The following IGDCC4 variants were observed in gnomAD, a reference collection of about 807,000 sequenced individuals.
IGDCC4 encodes immunoglobulin superfamily DCC subclass member 4.
In IGDCC4, 72 loss-of-function variants were observed where a neutral mutation model predicts 116.6. That is an observed-to-expected ratio of 0.62 (90% CI 0.51 to 0.75). The LOEUF (loss-of-function observed/expected upper bound fraction) is 0.75, where lower values mean the gene tolerates loss of function less well. IGDCC4 is among the 30% of genes least tolerant of loss of function. The pLI, the probability that IGDCC4 is intolerant of heterozygous loss-of-function variation, is 0.00. For missense variants in IGDCC4, 1,501 were observed against 1,662.4 expected (o/e 0.90, Z 1.69); for synonymous variants, 709 against 719.9 (o/e 0.98, Z 0.24).
rs182571394 is a variant in IGDCC4, at chr15:65,401,108, A to G, written c.701-162T>C. On this transcript the variant is annotated intron_variant, in intron 4 of 19. Transcript: ENST00000352385. ...AGCCATAAAATTCAGCAGGGCTGGG[A>G]CTGGACCTCTGAGCTGTTTCTTTTA... 2.6e-3 allele frequency among the ~76,000 whole-genome samples: 397 copies of G among 152,270 alleles called. 6 individuals carry two copies. Among genetic ancestry groups the G allele is most frequent in the African/African-American group, 9.1e-3 (377 of 41,556 alleles).
chr15:65,392,258 C>A lies in IGDCC4; in HGVS notation c.1998G>T (p.Arg666=). ...TGGCCTCCTCCTCAGCCCCCACCTC[C>A]CGCCAATATAGTTTGTAGCCAGAGA... ...TQISGYKLYW[R]EVGAEEEANG... is the part of the protein sequence containing the mutation. The change falls in exon 11 of 20, where the codon CGG becomes CGT. Residue 666 remains arginine (R), a synonymous_variant. Transcript: ENST00000352385. The A allele has an allele frequency of 6.2e-7, 1 of 1,610,946 alleles. No homozygotes were observed.
chr15:65,419,895 T>C (rs915016796), intron 1 of IGDCC4, among the ~76,000 whole-genome samples: 4 of 152,174 alleles, frequency 2.6e-5, no homozygotes, highest in Admixed American at 6.5e-5. Flanking sequence ...GGCACAGGCA[T>C]TATCCTAACC....
chr15:65,402,640 G>A (rs1287219309), intron 3 of IGDCC4, among the ~76,000 whole-genome samples, 153 bp from the exon 4 acceptor site: 1 of 152,184 alleles, frequency 6.6e-6, no homozygotes, highest in Non-Finnish European at 1.5e-5. Context: ...AGGCGAGGCG[G>A]GCGAATCACA....
chr15:65,394,632 C>G, intron 8 of IGDCC4, 84 bp from the exon 9 acceptor site: 1 of 1,367,414 alleles, frequency 7.3e-7, no homozygotes, highest in Non-Finnish European at 9.9e-7. Flanking sequence ...TTGCCTGGGT[C>G]ACACAGCAAG....
intron 13 of IGDCC4, among the ~76,000 whole-genome samples, chr15:65,389,749 T>G (rs934713850): frequency 2.0e-5 from 3 of 152,216 alleles, no homozygotes; most frequent in Non-Finnish European, 4.4e-5. Flanking sequence ...TTGCTTTTTA[T>G]GCGACTTTCC....
rs765974328 is a variant in IGDCC4, at chr15:65,392,227, C to T, written c.2029G>A (p.Asp677Asn). 2.8e-5 allele frequency: 45 copies of T among 1,613,788 alleles called. No individual in the cohort carries two copies. In the South Asian group the frequency reaches 4.5e-4, roughly 16 times the overall value. Residue 677 changes from aspartate to asparagine, a missense_variant, in exon 11 of 20, where the codon GAT becomes AAT. Physicochemically the swap from Asp to Asn is conservative, Grantham distance 23. Transcript: ENST00000352385. ...EVGAEEEANG[D>N]RLPGGRGDQA... ...TCTCCACGGCCCCCTGGCAGGCGAT[C>T]GCCATTGGCCTCCTCCTCAGCCCCC...
At chr15:65,417,448 C>T (rs2063154881) in intron 1 of IGDCC4, among the ~76,000 whole-genome samples, 1 of 152,198 alleles carries the variant, frequency 6.6e-6, no homozygotes, top group Non-Finnish European at 1.5e-5. Context: ...AAACCATGGC[C>T]AATTCTCTGA....
At position 65,382,499 on chromosome 15, in the gene IGDCC4, A is replaced by G. The variant is rs2091410955; in HGVS notation, c.*1510T>C. The G allele has an allele frequency of 6.6e-6, 1 of 152,472 alleles. No individual in the cohort carries two copies. Among genetic ancestry groups the G allele is most frequent in the Admixed American group, 6.6e-5 (1 of 15,256 alleles). 9.4% of individuals were successfully genotyped at this position (152,472 alleles called of 1,614,324 possible). A position where few individuals can be genotyped will look rare whatever the true frequency, so the allele number is the denominator to read the frequency against. On this transcript the variant is annotated 3_prime_UTR_variant, in exon 20 of 20. Coordinates refer to ENST00000352385, the MANE Select transcript of IGDCC4 (RefSeq NM_020962.3). ...ACTCTTGATGTGCCAATCAGACATC[A>G]TTAGGGAGTAAAGACCCTAACATTC...
intron 1 of IGDCC4, among the ~76,000 whole-genome samples, chr15:65,421,826 C>T (rs544195331): frequency 6.6e-6 from 1 of 152,184 alleles, no homozygotes; most frequent in East Asian, 1.9e-4. Context: ...CGCCCCCAAA[C>T]GCACACCGGA....
chr15:65,386,788 A>C (rs2091465081), intron 16 of IGDCC4, 132 bp from the exon 17 acceptor site: 1 of 666,814 alleles, frequency 1.5e-6, no homozygotes, highest in Non-Finnish European at 2.6e-6. Context: ...CAATCTTCTG[A>C]TACAAGGACA....
Position 65,385,011 on chromosome 15 carries a change from G to T in IGDCC4, c.3285C>A (p.Pro1095=). The T allele has an allele frequency of 6.2e-7, 1 of 1,609,724 alleles. No homozygotes were observed. Among genetic ancestry groups the T allele is most frequent in the Non-Finnish European group, 8.5e-7 (1 of 1,178,526 alleles). Residue 1095 remains proline, a synonymous_variant, in exon 19 of 20, where the codon CCC becomes CCA. Transcript: ENST00000352385. ...PRPALTRALL[P]PAGTGQTLLL... is the part of the protein sequence containing the mutation. ...ACAGCGTCTGCCCAGTTCCAGCAGG[G>T]GGCAGCAGGGCCCGGGTCAGAGCCG...
At position 65,388,938 on chromosome 15, in the gene IGDCC4, CA is replaced by C; in HGVS notation, c.2576del (p.Leu859ArgfsTer24). 1 of 1,611,848 alleles carries C rather than the reference CA, an allele frequency of 6.2e-7. No individual in the cohort carries two copies. Among genetic ancestry groups the C allele is most frequent in the Non-Finnish European group, 8.5e-7 (1 of 1,179,080 alleles). On this transcript the variant is annotated frameshift_variant, in exon 15 of 20. Transcript: ENST00000352385. LOFTEE classifies it high-confidence loss of function. ...AGTGCAGCCGAACCGTGGACGGTGT[CA>C]GGGGGCTCAGTCGCAGGTCGGATGG... is the stretch of plus-strand genomic sequence containing the variant. ...TPPSDLRLSP[L>X]TPSTVRLHWC... is the part of the protein sequence containing the mutation.
intron 17 of IGDCC4, 85 bp from the exon 18 acceptor site, chr15:65,386,144 G>T: frequency 1.2e-6 from 1 of 861,902 alleles, no homozygotes; most frequent in Non-Finnish European, 1.8e-6. Flanking sequence ...TATGTCTCTG[G>T]GGAGGTTCCT....
chr15:65,394,624 GC>G (rs34299527), intron 8 of IGDCC4, 76 bp from the exon 9 acceptor site: 2 of 1,431,080 alleles, frequency 1.4e-6, no homozygotes, highest in Non-Finnish European at 1.9e-6. Context: ...TCAGAGACTT[GC>G]CTGGGTCACA....
chr15:65,397,410 T>C (rs1026950843), intron 5 of IGDCC4, among the ~76,000 whole-genome samples: 1 of 152,166 alleles, frequency 6.6e-6, no homozygotes, highest in African/African-American at 2.4e-5. Context: ...TTTACCTCAA[T>C]GTGAAATGAA....
Position 65,382,392 on chromosome 15 carries a change from G to C in IGDCC4, c.*1617C>G, listed in dbSNP as rs1421213605. On this transcript the variant is annotated 3_prime_UTR_variant, in exon 20 of 20. Coordinates refer to ENST00000352385, the MANE Select transcript of IGDCC4 (RefSeq NM_020962.3). Reference sequence around the variant, plus strand: ...TGAGGAAGCCGCAACTGTGCTGAGAGACATTCCACCATTTAAAAAAAAAAA... The same window carrying C: ...TGAGGAAGCCGCAACTGTGCTGAGACACATTCCACCATTTAAAAAAAAAAA... 1 of 140,090 alleles carries C rather than the reference G, an allele frequency of 7.1e-6. No individual in the cohort carries two copies. The highest frequency in any genetic ancestry group is 1.5e-5 in the Non-Finnish European group (1 of 65,924). 8.7% of individuals were successfully genotyped at this position (140,090 alleles called of 1,614,324 possible). A position where few individuals can be genotyped will look rare whatever the true frequency, so the allele number is the denominator to read the frequency against.
rs145408416 is a variant in IGDCC4 at position 65,422,645 on chromosome 15, C to G, written c.70+148G>C. The G allele has an allele frequency of 1.1e-3, 562 of 515,312 alleles. 1 individual carries two copies. Among genetic ancestry groups the G allele is most frequent in the Non-Finnish European group, 1.5e-3 (519 of 345,126 alleles). The allele number at this position is 515,312 out of a possible 1,614,324, so 31.9% of individuals were successfully genotyped here. ...CCCCCGGCCGCAGCTCGCAGACCCC[C>G]GCGCAGGCATCGCGGGCACCTGGAC... On this transcript the variant is annotated intron_variant, in intron 1 of 19. Coordinates refer to ENST00000352385, the MANE Select transcript of IGDCC4 (RefSeq NM_020962.3).
In IGDCC4 at chr15:65,384,467, AATC is replaced by A. The variant is rs2091434096; in HGVS notation, c.3343-51_3343-49del. ...AGACAAAGTGACCATTACTGAGAGT[AATC>A]ATCAGAATGACCAGCGTACGTGGGG... On this transcript the variant is annotated intron_variant, in intron 19 of 19. Transcript: ENST00000352385. This position sits in a 1 kb window ranked among gnomAD's most constrained non-coding sequence, Gnocchi z 4.9. 2.0e-6 allele frequency: 3 copies of A among 1,465,028 alleles called. No homozygotes were observed. The highest frequency in any genetic ancestry group is 2.7e-6 in the Non-Finnish European group (3 of 1,109,556). The allele number at this position is 1,465,028 out of a possible 1,614,324, so 90.8% of individuals were successfully genotyped here.
At chr15:65,389,499 C>G in intron 13 of IGDCC4, 88 bp from the exon 14 acceptor site, 1 of 1,578,966 alleles carries the variant, frequency 6.3e-7, no homozygotes, top group Non-Finnish European at 8.7e-7. Flanking sequence ...TGCAGTCAGC[C>G]CCAGCCCCAG....
Sources: allele counts gnomAD v4.1 joint callset (sites outside exome capture counted in the v4.1 genomes callset), GRCh38; gene constraint gnomAD v4.1.1; non-coding constraint Gnocchi (gnomAD v3.1); transcripts MANE v1.5; gene names NCBI Gene and HGNC (gene_info 2026-07-23, HGNC 2026-07-21).